Variants in GORASP2 observed in about 807,000 individuals in gnomAD.
GORASP2 encodes golgi reassembly stacking protein 2, also known as Golgi reassembly-stacking protein 2.
In GORASP2, 22 loss-of-function variants were observed where a neutral mutation model predicts 45.7. The observed-to-expected ratio is 0.48, with a 90% confidence interval of 0.34 to 0.69. The LOEUF (loss-of-function observed/expected upper bound fraction) is 0.69. Ranked by LOEUF, GORASP2 falls within the 30% of genes least tolerant of loss-of-function variation. The pLI, the probability that GORASP2 is intolerant of heterozygous loss-of-function variation, is 0.01. For synonymous variants in GORASP2, 221 were observed against 215.6 expected, an observed-to-expected ratio of 1.02 and a Z score of -0.22; for missense variants, 491 against 562.7, an observed-to-expected ratio of 0.87 and a Z score of 1.29.
upstream of GORASP2, chr2:170,929,122 C>T: frequency 2.5e-6 from 1 of 399,744 alleles, no homozygotes. Flanking sequence ...CCCGCGAGCG[C>T]TCGGGCCCCT....
rs759720902 is a variant in GORASP2 at position 170,948,425 on chromosome 2, A to G, written c.139A>G (p.Arg47Gly). 1 of 1,509,750 alleles carries G rather than the reference A, an allele frequency of 6.6e-7. No individual in the cohort carries two copies. 93.5% of individuals were successfully genotyped at this position (1,509,750 alleles called of 1,614,324 possible). A position where few individuals can be genotyped will look rare whatever the true frequency, so the allele number is the denominator to read the frequency against. The change falls in exon 2 of 10, where the codon AGA becomes GGA. Residue 47 changes from arginine (R) to glycine (G), a missense_variant. Arg to Gly is a moderately radical substitution (Grantham distance 125). This residue lies in a region of GORASP2 where 194 missense variants were observed against 270.4 expected (regional missense o/e 0.72). Transcript: ENST00000234160. ...FDFIVSINGS[R>G]LNKDNDTLKD... The stretch of plus-strand genomic sequence containing the variant: ...TTTTATTGTTTCTATTAATGGTTCA[A>G]GATTAGTAAGTTCAACTTTCTGTAG...
In GORASP2 at chr2:170,966,231, G is replaced by A. The variant is rs1704686243; in HGVS notation, c.*101G>A. On this transcript the variant is annotated 3_prime_UTR_variant, in exon 10 of 10. Coordinates refer to ENST00000234160, the MANE Select transcript of GORASP2 (RefSeq NM_015530.5). ...TTTCATACTAGTTTGTACCGTATCT[G>A]TAGGCATCCTGTAAATAATTCCAAG... 4 of 825,978 alleles carry A rather than the reference G, an allele frequency of 4.8e-6. No homozygotes were observed. The highest frequency in any genetic ancestry group is 8.0e-6 in the Non-Finnish European group (4 of 498,252). The allele number at this position is 825,978 out of a possible 1,614,324, so 51.2% of individuals were successfully genotyped here.
chr2:170,951,121 C>G (rs1048455577), intron 4 of GORASP2, among the ~76,000 whole-genome samples: 1 of 152,168 alleles, frequency 6.6e-6, no homozygotes, highest in African/African-American at 2.4e-5. Flanking sequence ...TCTTAAGGAA[C>G]TGGCCATAAA....
chr2:170,962,137 C>T (rs764791672), intron 8 of GORASP2, among the ~76,000 whole-genome samples: 1 of 152,238 alleles, frequency 6.6e-6, no homozygotes, highest in African/African-American at 2.4e-5. Flanking sequence ...CTTATTTGGT[C>T]TTCAGTAGCT....
At chr2:170,945,466 C>T (rs1482105948) in intron 1 of GORASP2, among the ~76,000 whole-genome samples, 1 of 145,682 alleles carries the variant, frequency 6.9e-6, no homozygotes, top group Admixed American at 7.0e-5. Flanking sequence ...CACCCCACTC[C>T]ACTACAGCCT....
chr2:170,929,538 C>T (rs1703762461), intron 1 of GORASP2, 135 bp downstream of exon 1: 6 of 767,190 alleles, frequency 7.8e-6, no homozygotes, highest in Non-Finnish European at 7.8e-6. Flanking sequence ...GCGGGCGCTG[C>T]CTTGGTCGAG....
At chr2:170,950,542 C>T (rs2105321659) in intron 4 of GORASP2, among the ~76,000 whole-genome samples, 1 of 152,318 alleles carries the variant, frequency 6.6e-6, no homozygotes, top group South Asian at 2.1e-4. Flanking sequence ...CTTTGCATAC[C>T]TGAAGTCTAA....
chr2:170,936,908 T>G (rs940477980), intron 1 of GORASP2, among the ~76,000 whole-genome samples: 2 of 152,062 alleles, frequency 1.3e-5, no homozygotes, highest in Non-Finnish European at 2.9e-5. Flanking sequence ...ATTCGTTAAT[T>G]TTTTTAAAAA....
chr2:170,949,928 A>G, intron 3 of GORASP2, 186 bp downstream of exon 3: 1 of 582,038 alleles, frequency 1.7e-6, no homozygotes, highest in Non-Finnish European at 3.1e-6. Context: ...AAGAGAAGCA[A>G]ATGTACAAGT....
upstream of GORASP2, chr2:170,929,184 C>A: frequency 2.0e-6 from 1 of 504,728 alleles, no homozygotes; most frequent in Non-Finnish European, 3.2e-6. Context: ...GCGGCCCGGG[C>A]TGCAGCAGAG....
intron 1 of GORASP2, among the ~76,000 whole-genome samples, chr2:170,946,768 CAAAA>C (rs10692734): frequency 9.5e-6 from 1 of 105,100 alleles, no homozygotes. Flanking sequence ...CATGCCTCTA[CAAAA>C]AAAAAAAAAA....
intron 1 of GORASP2, among the ~76,000 whole-genome samples, chr2:170,937,248 G>T (rs527292396): frequency 2.6e-5 from 4 of 151,986 alleles, no homozygotes; most frequent in African/African-American, 9.7e-5. Context: ...TTGCTCTGTT[G>T]CCCAGGCTGG....
At chr2:170,936,237 T>G in intron 1 of GORASP2, among the ~76,000 whole-genome samples, 1 of 150,374 alleles carries the variant, frequency 6.7e-6, no homozygotes, top group Non-Finnish European at 1.5e-5. Context: ...TTTTTTTTTT[T>G]TTTTTTTGAA....
intron 4 of GORASP2, 24 bp from the exon 5 acceptor site, chr2:170,951,304 T>A: frequency 6.3e-7 from 1 of 1,578,314 alleles, no homozygotes; most frequent in Non-Finnish European, 8.6e-7. Context: ...ACGTGAAACA[T>A]TTTCTCCTGT....
intron 1 of GORASP2, 42 bp downstream of exon 1, chr2:170,929,445 C>CG (rs1384017463): frequency 7.6e-7 from 1 of 1,314,722 alleles, no homozygotes; most frequent in Non-Finnish European, 9.8e-7. Context: ...GGGCTGGAGG[C>CG]GGGGCCGGCC....
intron 1 of GORASP2, among the ~76,000 whole-genome samples, chr2:170,932,870 C>G (rs1703860767): frequency 6.6e-6 from 1 of 152,186 alleles, no homozygotes; most frequent in Admixed American, 6.5e-5. Context: ...TAGCCAACAG[C>G]TGAGAAATTG....
chr2:170,956,878 C>T (rs1326392548), intron 7 of GORASP2, among the ~76,000 whole-genome samples: 1 of 152,088 alleles, frequency 6.6e-6, no homozygotes, highest in Non-Finnish European at 1.5e-5. Context: ...TGTGCCACTG[C>T]ATTCCAGCCT....
Position 170,950,251 on chromosome 2 carries a change from C to A in GORASP2, c.396C>A (p.His132Gln). The stretch of plus-strand genomic sequence containing the variant: ...CAGCACTGGCAGGTCTTAGACCACA[C>A]AGTGATTATATAATTGGAGCAGATA... ...SPAALAGLRPHSDYIIGADTV... is the reference protein window; with the variant it reads ...SPAALAGLRPQSDYIIGADTV... Residue 132 changes from histidine to glutamine, a missense_variant, in exon 4 of 10, where the codon CAC (histidine) becomes CAA (glutamine). Physicochemically the swap from His to Gln is conservative, Grantham distance 24. Around this residue, in one of 2 missense-constraint regions of GORASP2, gnomAD observed 194 missense variants for 270.4 expected, o/e 0.72. Coordinates refer to ENST00000234160, the MANE Select transcript of GORASP2 (RefSeq NM_015530.5). 1.3e-6 allele frequency: 2 copies of A among 1,579,928 alleles called. No homozygotes were observed. Among genetic ancestry groups the A allele is most frequent in the Non-Finnish European group, 1.7e-6 (2 of 1,158,696 alleles).
chr2:170,964,988 G>T (rs1440129760), intron 9 of GORASP2, among the ~76,000 whole-genome samples: 3 of 132,476 alleles, frequency 2.3e-5, no homozygotes, highest in East Asian at 4.6e-4. Context: ...TGCAACCTCT[G>T]CGTCCTGGGT....
Sources: allele counts gnomAD v4.1 joint callset (sites outside exome capture counted in the v4.1 genomes callset), GRCh38; gene constraint gnomAD v4.1.1; regional missense constraint gnomAD v4.1.1; transcripts MANE v1.5; gene names NCBI Gene and HGNC (gene_info 2026-07-23, HGNC 2026-07-21).